The following BCCIP variants were observed in gnomAD, a reference collection of about 807,000 sequenced individuals.
BCCIP encodes BRCA2 and CDKN1A-interacting protein.
In BCCIP, 23 loss-of-function variants were observed where a neutral mutation model predicts 32.8. The observed-to-expected ratio is 0.70, with a 90% confidence interval of 0.51 to 0.99. The LOEUF (loss-of-function observed/expected upper bound fraction) is 0.99. Ranked by LOEUF, BCCIP falls within the 50% of genes least tolerant of loss-of-function variation. BCCIP has a pLI of 0.00. For missense variants in BCCIP, 378 were observed against 379.8 expected, an observed-to-expected ratio of 1.00 and a Z score of 0.04; for synonymous variants, 144 against 137.6, an observed-to-expected ratio of 1.05 and a Z score of -0.33.
intron 3 of BCCIP, among the ~76,000 whole-genome samples, chr10:125,829,644 A>G (rs1407900827): frequency 2.6e-5 from 4 of 152,240 alleles, no homozygotes; most frequent in South Asian, 2.1e-4. Flanking sequence ...ATGGCACTCA[A>G]TGTAAAGAAA....
Position 125,833,761 on chromosome 10 carries a change from G to A in BCCIP, c.600-11G>A, listed in dbSNP as rs1297331107. The A allele has an allele frequency of 1.2e-6, 2 of 1,613,328 alleles. No individual in the cohort carries two copies. The highest frequency in any genetic ancestry group is 2.2e-5 in the South Asian group (2 of 90,846). ...CAGCAGGTAAACAAATGTTGTGTGT[G>A]TGCCTTGCAGGAAAGAACTGGCGGG... On this transcript the variant is annotated splice_polypyrimidine_tract_variant and intron_variant, in intron 5 of 6. Transcript: ENST00000278100.
exon 8 of BCCIP, chr10:125,853,218 T>G: frequency 1.2e-6 from 2 of 1,611,968 alleles, no homozygotes; most frequent in Non-Finnish European, 1.7e-6. Context: ...GGAACCTTCA[T>G]GACTGTTGGA....
downstream of BCCIP, chr10:125,836,895 A>G (rs1257789150): frequency 3.1e-6 from 5 of 1,590,386 alleles, no homozygotes; most frequent in Non-Finnish European, 4.3e-6. Context: ...ATGAGTGGGG[A>G]AGGTGGTGAG....
downstream of BCCIP, chr10:125,838,332 A>T: frequency 6.2e-7 from 1 of 1,613,766 alleles, no homozygotes; most frequent in Middle Eastern, 1.6e-4. Context: ...CAGCTGAGCA[A>T]CCTGCTTATG....
rs1454279731 is a variant in BCCIP at position 125,833,905 on chromosome 10, G to A, written c.733G>A (p.Ala245Thr). The A allele has an allele frequency of 4.3e-6, 7 of 1,614,124 alleles. No homozygotes were observed. Among genetic ancestry groups the A allele is most frequent in the Non-Finnish European group, 5.9e-6 (7 of 1,180,054 alleles). Residue 245 changes from alanine (A) to threonine (T), a missense_variant, in exon 6 of 7, where the codon GCG becomes ACG. By Grantham distance (58) the Ala-to-Thr change is moderately conservative. Coordinates refer to ENST00000278100, the MANE Select transcript of BCCIP (RefSeq NM_078468.3). ...KKKPSNKKKA[A>T]LMFANAEEEF... ...GAAACCTAGCAACAAAAAGAAAGCT[G>A]CGTTAATGTTTGCAAATGCAGAGGA...
chr10:125,835,919 G>C (rs1458584505), intron 6 of BCCIP, among the ~76,000 whole-genome samples, 185 bp from the exon 7 acceptor site: 1 of 152,122 alleles, frequency 6.6e-6, no homozygotes, highest in Non-Finnish European at 1.5e-5. Flanking sequence ...AAATCTACTT[G>C]GTTTGTGTTT....
chr10:125,837,491 G>T (rs146936349), downstream of BCCIP, among the ~76,000 whole-genome samples: 196 of 152,278 alleles, frequency 1.3e-3, 1 homozygote, highest in African/African-American at 4.6e-3. Flanking sequence ...GCGGTGGTGT[G>T]ACAGTACCTC....
intron 4 of BCCIP, 74 bp from the exon 5 acceptor site, chr10:125,831,346 T>C: frequency 2.1e-6 from 3 of 1,438,974 alleles, no homozygotes; most frequent in Non-Finnish European, 2.9e-6. Context: ...TGAAAAGTGA[T>C]AGCTTTTACT....
chr10:125,852,605 A>G, intron 7 of BCCIP: 2 of 1,613,250 alleles, frequency 1.2e-6, no homozygotes, highest in Non-Finnish European at 1.7e-6. Flanking sequence ...GATGGGCTGC[A>G]TGACGAGCGA....
At chr10:125,846,078 ACTATCGGC>A (rs1415397972), downstream of BCCIP, among the ~76,000 whole-genome samples, 2 of 152,190 alleles carry the variant, frequency 1.3e-5, no homozygotes, top group East Asian at 3.9e-4. Context: ...TCTGGGGAAG[ACTATCGGC>A]CTTCTAGAGG....
rs749157198 is a variant in BCCIP, at chr10:125,833,792, A to G, written c.620A>G (p.His207Arg). The change falls in exon 6 of 7, where the codon CAC (histidine) becomes CGC (arginine). Residue 207 changes from histidine (H) to arginine (R), a missense_variant. By Grantham distance (29) the His-to-Arg change is conservative (BLOSUM62 0). Transcript: ENST00000278100. ...QQLQKELAGA[H>R]RTNKPCGKCY... ...TGCAGGAAAGAACTGGCGGGGGCAC[A>G]CAGAACCAATAAGCCATGTGGGAAG... 6.2e-7 allele frequency: 1 copy of G among 1,614,172 alleles called. No individual in the cohort carries two copies. The highest frequency in any genetic ancestry group is 8.5e-7 in the Non-Finnish European group (1 of 1,180,036).
At chr10:125,835,067 A>C (rs1396740631) in intron 6 of BCCIP, among the ~76,000 whole-genome samples, 1 of 151,332 alleles carries the variant, frequency 6.6e-6, no homozygotes, top group Non-Finnish European at 1.5e-5. Flanking sequence ...CGGGAGGCGG[A>C]GCTTGCAGTG....
chr10:125,851,024 G>A (rs1156731180), intron 7 of BCCIP, among the ~76,000 whole-genome samples: 2 of 152,132 alleles, frequency 1.3e-5, no homozygotes, highest in African/African-American at 4.8e-5. Flanking sequence ...AGGCAGCCAA[G>A]GAAGAAAAAT....
At chr10:125,848,126 T>C (rs1401398618) in intron 7 of BCCIP, among the ~76,000 whole-genome samples, 1 of 152,164 alleles carries the variant, frequency 6.6e-6, no homozygotes, top group Non-Finnish European at 1.5e-5. Context: ...ATTTTAGGGT[T>C]GGGACTTGGG....
chr10:125,840,780 T>C (rs1411520361), downstream of BCCIP: 4 of 1,470,918 alleles, frequency 2.7e-6, no homozygotes, highest in Non-Finnish European at 3.6e-6. Flanking sequence ...GAATAACTAA[T>C]AAGGACTCAG....
At chr10:125,841,435 A>G (rs1275917466), downstream of BCCIP, 1 of 1,567,626 alleles carries the variant, frequency 6.4e-7, no homozygotes, top group African/African-American at 1.4e-5. Context: ...TTGGGGAAAA[A>G]CACCTCTAGT....
chr10:125,836,794 T>C (rs1854702597), downstream of BCCIP: 1 of 1,614,082 alleles, frequency 6.2e-7, no homozygotes, highest in Admixed American at 1.7e-5. Flanking sequence ...TGCTGTAGAA[T>C]GTCCTTACTT....
intron 1 of BCCIP, 145 bp downstream of exon 1, chr10:125,823,867 C>T: frequency 1.6e-6 from 2 of 1,263,316 alleles, no homozygotes; most frequent in Non-Finnish European, 1.1e-6. Context: ...TCAGGTTTCT[C>T]CTCGGTCTTT....
intron 4 of BCCIP, 122 bp from the exon 5 acceptor site, chr10:125,831,298 G>A (rs988173063): frequency 1.7e-5 from 15 of 893,036 alleles, no homozygotes; most frequent in African/African-American, 1.5e-4. Context: ...CATACAAGAC[G>A]TTAAGGCTAT....
Sources: gnomAD v4.1 joint callset for allele counts (sites outside exome capture counted in the v4.1 genomes callset) on GRCh38, gnomAD v4.1.1 for gene constraint, MANE v1.5 for transcripts, NCBI Gene and HGNC (gene_info 2026-07-23, HGNC 2026-07-21) for gene names.